ZNF454: variants seen among roughly 807,000 people sequenced by gnomAD.
The protein encoded by ZNF454 is zinc finger protein 454.
In ZNF454, 30 loss-of-function variants were observed where a neutral mutation model predicts 48.2. The observed-to-expected ratio is 0.62, with a 90% CI of 0.47 to 0.84. ZNF454 has a LOEUF of 0.84. ZNF454 is among the 40% of genes least tolerant of loss of function. ZNF454 has a pLI of 0.00. For missense variants in ZNF454, 510 were observed against 623.1 expected (o/e 0.82, Z 1.93); for synonymous variants, 204 against 211.4 (o/e 0.97, Z 0.30).
chr5:178,981,724 C>A, the ZNF454 span: 1 of 1,614,062 alleles, frequency 6.2e-7, no homozygotes, highest in Non-Finnish European at 8.5e-7. The surrounding 1 kb of genome is among the most constrained non-coding windows in gnomAD (Gnocchi z 5.1). Context: ...CTTGAGGCTC[C>A]GCTTTCGCTT....
the ZNF454 span, chr5:178,986,730 G>A: frequency 6.0e-4 from 962 of 1,605,474 alleles, 2 homozygotes; most frequent in Middle Eastern, 8.2e-4. Flanking sequence ...CGTGGGGGTC[G>A]CCAGACCACT....
chr5:178,965,150 G>T lies in ZNF454; in HGVS notation c.746G>T (p.Cys249Phe). The change falls in exon 5 of 5, where the codon TGT becomes TTT. Residue 249 changes from cysteine to phenylalanine, a missense_variant. Physicochemically the swap from Cys to Phe is radical, Grantham distance 205. This residue lies in a region of ZNF454 where 354 missense variants were observed against 408.9 expected (regional missense o/e 0.87). Transcript: ENST00000519564. The surrounding 1 kb of genome is among the most constrained non-coding windows in gnomAD (Gnocchi z 5.2). Reference sequence around the variant, plus strand: ...GAGAAACCCTATGAATGTAAGGAATGTGGCAAGGCCTTCTCAGTGAGCTCC... The same window carrying T: ...GAGAAACCCTATGAATGTAAGGAATTTGGCAAGGCCTTCTCAGTGAGCTCC... The part of the protein sequence containing the change: ...TGEKPYECKE[C>F]GKAFSVSSSL... The T allele has an allele frequency of 6.2e-7, 1 of 1,614,224 alleles. No individual in the cohort carries two copies. Among genetic ancestry groups the T allele is most frequent in the Non-Finnish European group, 8.5e-7 (1 of 1,180,040 alleles).
At chr5:178,984,511 T>C in the ZNF454 span, among the ~76,000 whole-genome samples, 16 of 152,218 alleles carry the variant, frequency 1.1e-4, no homozygotes, top group East Asian at 2.3e-3. Context: ...AAAGATCCCT[T>C]GTATCTGGAA....
chr5:178,977,572 CT>C, the ZNF454 span: 14,050 of 182,346 alleles, frequency 0.077, 82 homozygotes, highest in South Asian at 0.2. Context: ...ATTCAGTCTT[CT>C]TTTTTTTTTT....
chr5:178,975,619 C>A, the ZNF454 span: 1 of 355,524 alleles, frequency 2.8e-6, no homozygotes, highest in Non-Finnish European at 5.9e-6. Flanking sequence ...GTCTCCTCTT[C>A]TCACCCCGAG....
chr5:178,946,881 C>T lies in ZNF454; in HGVS notation c.161-16C>T, dbSNP rs1423699373. Reference sequence around the variant, plus strand: ...ATAAACAGATGTGGTTCATTTTTGTCTCCCCTTAAAAACAGGACTCTTAGG... The same window carrying T: ...ATAAACAGATGTGGTTCATTTTTGTTTCCCCTTAAAAACAGGACTCTTAGG... On this transcript the variant is annotated splice_polypyrimidine_tract_variant and intron_variant, in intron 3 of 4. Coordinates refer to ENST00000519564, the MANE Select transcript of ZNF454 (RefSeq NM_001178089.3). The surrounding 1 kb of genome is among the most constrained non-coding windows in gnomAD (Gnocchi z 4.5). The T allele has an allele frequency of 1.2e-6, 2 of 1,607,168 alleles. No homozygotes were observed. Among genetic ancestry groups the T allele is most frequent in the Non-Finnish European group, 1.7e-6 (2 of 1,175,456 alleles).
chr5:178,941,241 T>A lies in ZNF454; in HGVS notation c.-311T>A. On this transcript the variant is annotated 5_prime_UTR_variant, in exon 1 of 5. It removes an upstream start codon present in the reference 5' UTR. Coordinates refer to ENST00000519564, the MANE Select transcript of ZNF454 (RefSeq NM_001178089.3). This position sits in a 1 kb window ranked among gnomAD's most constrained non-coding sequence, Gnocchi z 5.5. ...CCAGCTCATTGTGTTCTGACTGCGA[T>A]GTGGCGCTTGCGATCTCTCGCCGCC... The A allele has an allele frequency of 2.6e-6, 1 of 391,568 alleles. No individual in the cohort carries two copies. Among genetic ancestry groups the A allele is most frequent in the South Asian group, 1.9e-5 (1 of 53,606 alleles). 24.3% of individuals were successfully genotyped at this position (391,568 alleles called of 1,614,324 possible). A position where few individuals can be genotyped will look rare whatever the true frequency, so the allele number is the denominator to read the frequency against.
chr5:178,950,735 A>G (rs1276833652), intron 4 of ZNF454, among the ~76,000 whole-genome samples: 1 of 152,200 alleles, frequency 6.6e-6, no homozygotes, highest in Non-Finnish European at 1.5e-5. Flanking sequence ...TATAAAATGT[A>G]TTAGATTACA....
chr5:178,953,969 T>C (rs1169644278), intron 4 of ZNF454, among the ~76,000 whole-genome samples: 1 of 152,090 alleles, frequency 6.6e-6, no homozygotes, highest in Non-Finnish European at 1.5e-5. Context: ...CGTCTAAAAT[T>C]CCTGCCCAAC....
At chr5:178,972,687 G>A in the ZNF454 span, among the ~76,000 whole-genome samples, 6 of 152,094 alleles carry the variant, frequency 3.9e-5, no homozygotes, top group East Asian at 1.9e-4. Context: ...CTGAGGCTGC[G>A]GCCTTTGGTG....
the ZNF454 span, chr5:178,989,363 C>A: frequency 1.9e-6 from 3 of 1,613,742 alleles, no homozygotes; most frequent in South Asian, 1.1e-5. Context: ...GATGTTCCTG[C>A]GGTTGTTCTC....
chr5:178,988,222 T>C, the ZNF454 span, among the ~76,000 whole-genome samples: 2 of 152,112 alleles, frequency 1.3e-5, no homozygotes, highest in Non-Finnish European at 2.9e-5. This position sits in a 1 kb window ranked among gnomAD's most constrained non-coding sequence, Gnocchi z 6.0. Context: ...AGTATGAAAT[T>C]GGAATGACTT....
At chr5:178,968,795 G>A (rs780208267), downstream of ZNF454, 13 of 456,578 alleles carry the variant, frequency 2.8e-5, no homozygotes, top group South Asian at 1.4e-4. Flanking sequence ...TGTAATGAAC[G>A]CATGAGAACT....
chr5:178,986,078 G>A, the ZNF454 span: 480 of 1,552,570 alleles, frequency 3.1e-4, 1 homozygote, highest in Admixed American at 9.5e-4. Flanking sequence ...GCTTTGTAAC[G>A]TTGCGGACAG....
At chr5:178,982,893 C>G in the ZNF454 span, 14 of 1,596,322 alleles carry the variant, frequency 8.8e-6, no homozygotes, top group African/African-American at 1.9e-4. Context: ...AGCGAGACCT[C>G]CTGGGGACCT....
chr5:178,947,125 C>T, intron 4 of ZNF454, 139 bp downstream of exon 4: 1 of 697,344 alleles, frequency 1.4e-6, no homozygotes, highest in Non-Finnish European at 2.5e-6. Flanking sequence ...CACCTGAATA[C>T]CTTGTTGCTA....
chr5:178,948,602 G>A (rs1193483961), intron 4 of ZNF454, among the ~76,000 whole-genome samples: 2 of 152,048 alleles, frequency 1.3e-5, no homozygotes, highest in East Asian at 3.9e-4. Context: ...AGTGCATCTG[G>A]GCCCCTGCCC....
the ZNF454 span, chr5:178,989,189 G>C: frequency 6.3e-7 from 1 of 1,578,210 alleles, no homozygotes; most frequent in Middle Eastern, 1.8e-4. Context: ...ACCGAACCCG[G>C]CCTCCCGCCT....
At chr5:178,989,199 TTCCCCC>T in the ZNF454 span, 1 of 1,399,974 alleles carries the variant, frequency 7.1e-7, no homozygotes. Flanking sequence ...GCCTCCCGCC[TTCCCCC>T]TCCCCACCCT....
Sources: allele counts gnomAD v4.1 joint callset (sites outside exome capture counted in the v4.1 genomes callset), GRCh38; gene constraint gnomAD v4.1.1; regional missense constraint gnomAD v4.1.1; non-coding constraint Gnocchi (gnomAD v3.1); transcripts MANE v1.5; gene names NCBI Gene and HGNC (gene_info 2026-07-23, HGNC 2026-07-21).